The following WDR7 variants were observed in gnomAD, a reference collection of about 807,000 sequenced individuals.
WDR7 encodes WD repeat-containing protein 7.
In WDR7, 46 loss-of-function variants were observed where a neutral mutation model predicts 169.4. The ratio of observed to expected loss-of-function variants is 0.27; its 90% CI spans 0.21 to 0.35. WDR7 has a LOEUF of 0.35. Among genes scored for constraint, WDR7 ranks in the 10% least tolerant of loss-of-function variants. WDR7 has a pLI of 1.00. For synonymous variants in WDR7, 612 were observed against 666.8 expected, an observed-to-expected ratio of 0.92 and a Z score of 1.27; for missense variants, 1,534 against 1,859.3, an observed-to-expected ratio of 0.83 and a Z score of 3.22.
chr18:57,026,100 G>A (rs2048363694), intron 27 of WDR7, among the ~76,000 whole-genome samples: 1 of 152,312 alleles, frequency 6.6e-6, no homozygotes, highest in South Asian at 2.1e-4. Flanking sequence ...GATATTTTAA[G>A]TAATATTTAG....
chr18:56,998,000 G>A (rs1471635101), intron 26 of WDR7, among the ~76,000 whole-genome samples: 1 of 152,168 alleles, frequency 6.6e-6, no homozygotes, highest in Admixed American at 6.5e-5. Context: ...ATGAAGAGCA[G>A]CGGAGAAGCC....
intron 26 of WDR7, 98 bp from the exon 27 acceptor site, chr18:57,020,647 C>A: frequency 9.4e-7 from 1 of 1,062,010 alleles, no homozygotes; most frequent in South Asian, 1.4e-5. Flanking sequence ...CATCTAATAC[C>A]CATGACGTAA....
At chr18:56,962,590 G>A (rs2047353445) in intron 26 of WDR7, 61 bp downstream of exon 26, 1 of 1,484,134 alleles carries the variant, frequency 6.7e-7, no homozygotes, top group Admixed American at 1.7e-5. Context: ...AGGAGAGAGA[G>A]ACTAGCACTT....
intron 19 of WDR7, among the ~76,000 whole-genome samples, chr18:56,805,386 G>C (rs1472874380): frequency 6.6e-6 from 1 of 152,134 alleles, no homozygotes; most frequent in African/African-American, 2.4e-5. Flanking sequence ...GGATTTTACT[G>C]TTTTGGGATT....
intron 26 of WDR7, among the ~76,000 whole-genome samples, chr18:56,989,173 A>G (rs1185814095): frequency 1.3e-5 from 2 of 151,986 alleles, no homozygotes; most frequent in Non-Finnish European, 2.9e-5. Flanking sequence ...AACATTATTC[A>G]TTAGGACTTT....
At chr18:56,945,271 C>T (rs558527167) in intron 25 of WDR7, among the ~76,000 whole-genome samples, 38 of 152,206 alleles carry the variant, frequency 2.5e-4, no homozygotes, top group African/African-American at 8.7e-4. Flanking sequence ...TTTTTAGGGG[C>T]CAACGTGCAA....
chr18:56,925,349 G>C (rs948904646), intron 22 of WDR7, among the ~76,000 whole-genome samples: 1 of 152,148 alleles, frequency 6.6e-6, no homozygotes, highest in Non-Finnish European at 1.5e-5. Flanking sequence ...CCACCAGACT[G>C]TTTTCCCACC....
At chr18:56,909,863 G>A (rs1423110769) in intron 21 of WDR7, among the ~76,000 whole-genome samples, 1 of 152,052 alleles carries the variant, frequency 6.6e-6, no homozygotes, top group African/African-American at 2.4e-5. Flanking sequence ...ATATTTGAGG[G>A]AAAACTTAGG....
At chr18:56,923,676 C>T (rs1177775498) in intron 21 of WDR7, among the ~76,000 whole-genome samples, 1 of 152,144 alleles carries the variant, frequency 6.6e-6, no homozygotes, top group Non-Finnish European at 1.5e-5. Flanking sequence ...ATTATATATA[C>T]TCATTTACGT....
chr18:56,997,446 TTG>T (rs1215363132), intron 26 of WDR7, among the ~76,000 whole-genome samples: 2 of 138,360 alleles, frequency 1.4e-5, no homozygotes, highest in Non-Finnish European at 3.4e-5. Flanking sequence ...TAATGCATTA[TTG>T]TAAATATTAT....
chr18:56,985,956 T>A (rs551249189), intron 26 of WDR7, among the ~76,000 whole-genome samples: 42 of 152,288 alleles, frequency 2.8e-4, no homozygotes, highest in African/African-American at 9.6e-4. Context: ...TTACTCTAAA[T>A]TTGTGTTGGA....
rs780626695 is a variant in WDR7 at position 56,761,815 on chromosome 18, CA to C, written c.2848+2863del. On this transcript the variant is annotated intron_variant, in intron 16 of 27. Coordinates refer to ENST00000254442, the MANE Select transcript of WDR7 (RefSeq NM_015285.3). ...ATTTCTGTGCCCCAGTATAGAAATGCAGTTGATTTTTGTATACTAATATTGT... is the reference window on the plus strand; with the variant it reads ...ATTTCTGTGCCCCAGTATAGAAATGCGTTGATTTTTGTATACTAATATTGT... Among the ~76,000 whole-genome samples, 122 of 151,878 alleles carry C rather than the reference CA, an allele frequency of 8.0e-4. 1 individual carries two copies. Among genetic ancestry groups the C allele is most frequent in the Non-Finnish European group, 1.4e-3 (94 of 67,914 alleles).
intron 14 of WDR7, among the ~76,000 whole-genome samples, chr18:56,754,556 G>A (rs76291772): frequency 0.11 from 16,840 of 152,020 alleles, 1,154 homozygotes; most frequent in African/African-American, 0.19. Flanking sequence ...ACGCGTGTGC[G>A]TGTACGTGTG....
intron 12 of WDR7, among the ~76,000 whole-genome samples, chr18:56,700,609 G>A (rs1217542432): frequency 1.6e-5 from 2 of 121,362 alleles, no homozygotes; most frequent in Non-Finnish European, 1.7e-5. Context: ...TCGCTCTGTC[G>A]CCCAGGCTGG....
chr18:57,010,502 G>C (rs2048121406), intron 26 of WDR7, among the ~76,000 whole-genome samples: 1 of 152,018 alleles, frequency 6.6e-6, no homozygotes, highest in South Asian at 2.1e-4. Context: ...TCATTATTGA[G>C]TCTAAAAGTT....
intron 1 of WDR7, among the ~76,000 whole-genome samples, chr18:56,670,364 T>C (rs1490630166): frequency 6.6e-6 from 1 of 152,182 alleles, no homozygotes; most frequent in Admixed American, 6.5e-5. Flanking sequence ...TGAATCTGTT[T>C]GCATTCTCTT....
At chr18:56,723,239 C>A (rs545882937) in intron 13 of WDR7, among the ~76,000 whole-genome samples, 1 of 150,642 alleles carries the variant, frequency 6.6e-6, no homozygotes, top group Non-Finnish European at 1.5e-5. Context: ...ACAAAAGTAT[C>A]TATGATATTT....
intron 1 of WDR7, among the ~76,000 whole-genome samples, chr18:56,663,986 G>C (rs1039063035): frequency 1.3e-5 from 2 of 151,780 alleles, no homozygotes; most frequent in African/African-American, 2.4e-5. Flanking sequence ...AAGATAATGG[G>C]GACAGTCTGC....
chr18:56,882,310 T>C (rs1696641995), intron 21 of WDR7, among the ~76,000 whole-genome samples: 1 of 152,232 alleles, frequency 6.6e-6, no homozygotes, highest in Non-Finnish European at 1.5e-5. Flanking sequence ...TAATGAAGCT[T>C]TGACATGATT....
Sources: gnomAD v4.1 joint callset for allele counts (sites outside exome capture counted in the v4.1 genomes callset) on GRCh38, gnomAD v4.1.1 for gene constraint, MANE v1.5 for transcripts, NCBI Gene and HGNC (gene_info 2026-07-23, HGNC 2026-07-21) for gene names.